NLGN1: variants seen among roughly 807,000 people sequenced by gnomAD.
NLGN1 encodes the protein neuroligin 1.
A neutral mutation model predicts 65.5 loss-of-function variants in NLGN1; 12 were observed. The ratio of observed to expected loss-of-function variants is 0.18; its 90% confidence interval spans 0.12 to 0.30. The LOEUF (loss-of-function observed/expected upper bound fraction) is 0.30, where lower values mean the gene tolerates loss of function less well. NLGN1 is among the 10% of genes least tolerant of loss of function. The probability of loss-of-function intolerance (pLI) is 1.00; values close to 1 mark genes in which losing one functional copy is unlikely to be tolerated. For synonymous variants in NLGN1, 350 were observed against 359.5 expected (o/e 0.97, Z 0.30); for missense variants, 750 against 1,007.1 (o/e 0.74, Z 3.46).
intron 3 of NLGN1, among the ~76,000 whole-genome samples, chr3:173,609,818 A>C (rs572123614): frequency 1.3e-5 from 2 of 152,120 alleles, no homozygotes; most frequent in Admixed American, 1.3e-4. Context: ...AGAAATTGAA[A>C]CAGAGTATGA....
At chr3:174,284,095 T>C (rs1751854338) in exon 7 of NLGN1, 1 of 151,332 alleles carries the variant, frequency 6.6e-6, no homozygotes, top group African/African-American at 2.4e-5. Flanking sequence ...TTTATATTAA[T>C]TTAGGAAAAT....
At chr3:173,735,734 T>C (rs1560264636) in intron 3 of NLGN1, among the ~76,000 whole-genome samples, 1 of 152,140 alleles carries the variant, frequency 6.6e-6, no homozygotes, top group Non-Finnish European at 1.5e-5. Flanking sequence ...GCCTAGGGTC[T>C]TGAAATAACA....
In NLGN1 at chr3:174,116,340, T is replaced by C. The variant is rs1278980001; in HGVS notation, c.647-158975T>C. Among the ~76,000 whole-genome samples, 743 of 136,964 alleles carry C rather than the reference T, an allele frequency of 5.4e-3. 17 individuals are homozygous for C. The highest frequency in any genetic ancestry group is 0.02 in the African/African-American group (720 of 36,568). 89.9% of individuals were successfully genotyped at this position (136,964 alleles called of 152,430 possible). On this transcript the variant is annotated intron_variant, in intron 4 of 6. Coordinates refer to ENST00000457714, the Ensembl canonical transcript of NLGN1. ...TTTTTTCTGGGTTTTCTTTTTTTTT[T>C]TTTTTTTTTTTTTTTTTGAGACAGT...
At chr3:173,779,381 AAT>A (rs1780793134) in intron 3 of NLGN1, among the ~76,000 whole-genome samples, 1 of 152,044 alleles carries the variant, frequency 6.6e-6, no homozygotes. Flanking sequence ...GATAACTGTG[AAT>A]ATATGAGTGG....
intron 4 of NLGN1, among the ~76,000 whole-genome samples, chr3:173,881,089 CTTTTTTTTTTT>C (rs928288845): frequency 5.4e-4 from 58 of 108,230 alleles, no homozygotes; most frequent in Admixed American, 5.3e-3. Flanking sequence ...AGGCTCCCTC[CTTTTTTTTTTT>C]TTTTTTTTTT....
At position 173,789,861 on chromosome 3, in the gene NLGN1, C is replaced by G. The variant is rs755219286; in HGVS notation, c.494-17819C>G. ...ACATTTTCTATATTTTTCCCAACTG[C>G]CTCACCTCCATGCAGCTAATCTAGT... On this transcript the variant is annotated intron_variant, in intron 3 of 6. Transcript: ENST00000457714. 58 of 514,670 alleles carry G rather than the reference C, an allele frequency of 1.1e-4. No homozygotes were observed. In the Middle Eastern group the frequency reaches 5.1e-3, roughly 45 times the overall value. The allele number at this position is 514,670 out of a possible 1,614,324, so 31.9% of individuals were successfully genotyped here. A position where few individuals can be genotyped will look rare whatever the true frequency, so the allele number is the denominator to read the frequency against.
intron 4 of NLGN1, among the ~76,000 whole-genome samples, chr3:174,192,884 C>A (rs1022362049): frequency 2.0e-5 from 3 of 151,990 alleles, no homozygotes; most frequent in Non-Finnish European, 2.9e-5. Context: ...TTTGCATTTC[C>A]ATATATCTGG....
intron 4 of NLGN1, among the ~76,000 whole-genome samples, chr3:173,897,565 T>C (rs1345238858): frequency 6.6e-6 from 1 of 152,194 alleles, no homozygotes; most frequent in African/African-American, 2.4e-5. Context: ...TATCCCAATA[T>C]AAGCAATTTT....
intron 4 of NLGN1, among the ~76,000 whole-genome samples, chr3:174,010,577 T>C (rs1725335742): frequency 1.3e-5 from 2 of 152,194 alleles, no homozygotes; most frequent in Non-Finnish European, 2.9e-5. Flanking sequence ...GATTTGATTG[T>C]TAATATGTTC....
intron 4 of NLGN1, among the ~76,000 whole-genome samples, chr3:173,890,182 A>G (rs1465541200): frequency 6.6e-6 from 1 of 152,132 alleles, no homozygotes; most frequent in Admixed American, 6.6e-5. Context: ...TGCAGGAGGA[A>G]ATTCCCTTAT....
chr3:174,127,336 T>G, intron 4 of NLGN1, among the ~76,000 whole-genome samples: 1 of 152,154 alleles, frequency 6.6e-6, no homozygotes, highest in Non-Finnish European at 1.5e-5. Flanking sequence ...TGTGGTTATT[T>G]TCTATTATTT....
chr3:173,540,466 G>A (rs753386926), intron 2 of NLGN1, among the ~76,000 whole-genome samples: 1 of 152,168 alleles, frequency 6.6e-6, no homozygotes, highest in Non-Finnish European at 1.5e-5. Context: ...GTGGTCATAG[G>A]AGGGGCCAGA....
chr3:173,804,672 A>C (rs1560406343), intron 3 of NLGN1, among the ~76,000 whole-genome samples: 1 of 150,454 alleles, frequency 6.6e-6, no homozygotes, highest in Non-Finnish European at 1.5e-5. Flanking sequence ...AAAAAAAAAA[A>C]CCCTATAAAC....
At position 173,613,256 on chromosome 3, in the gene NLGN1, A is replaced by G. The variant is rs542493923; in HGVS notation, c.493+8165A>G. Among the ~76,000 whole-genome samples the G allele has an allele frequency of 7.2e-5, 11 of 152,198 alleles. No homozygotes were observed. The South Asian group carries it at 1.9e-3, about 26-fold the overall frequency. On this transcript the variant is annotated intron_variant, in intron 3 of 6. Transcript: ENST00000457714. ...TGTCTATTTTAAATGTTGAAAAACT[A>G]TAGCTTATTGGGGTTAAATAAGTTG...
intron 4 of NLGN1, among the ~76,000 whole-genome samples, chr3:173,969,030 TTAC>T (rs1476615520): frequency 2.0e-5 from 3 of 151,424 alleles, no homozygotes; most frequent in Non-Finnish European, 2.9e-5. Context: ...TACCAGATTG[TTAC>T]TTGGATGAGA....
At chr3:173,441,945 C>A (rs1042904241) in intron 2 of NLGN1, among the ~76,000 whole-genome samples, 5 of 152,140 alleles carry the variant, frequency 3.3e-5, no homozygotes, top group Admixed American at 3.3e-4. Flanking sequence ...TCCTGGTTGC[C>A]TTCTGTATTA....
At chr3:173,407,292 C>A (rs976421308) in intron 1 of NLGN1, among the ~76,000 whole-genome samples, 1 of 152,166 alleles carries the variant, frequency 6.6e-6, no homozygotes, top group Non-Finnish European at 1.5e-5. Context: ...GTCTTTCCAG[C>A]TGAAAAGCTG....
intron 3 of NLGN1, among the ~76,000 whole-genome samples, chr3:173,665,124 A>T (rs1159922312): frequency 2.0e-5 from 3 of 152,158 alleles, no homozygotes; most frequent in African/African-American, 7.2e-5. Flanking sequence ...CCCCAACCAA[A>T]ATCTCATCTT....
chr3:173,748,131 G>A (rs1161952204), intron 3 of NLGN1, among the ~76,000 whole-genome samples: 2 of 151,966 alleles, frequency 1.3e-5, no homozygotes, highest in African/African-American at 4.8e-5. Flanking sequence ...GTAAAATCTA[G>A]TAAATATTAT....
Sources: allele counts gnomAD v4.1 joint callset (sites outside exome capture counted in the v4.1 genomes callset), GRCh38; gene constraint gnomAD v4.1.1; transcripts MANE v1.5; gene names NCBI Gene and HGNC (gene_info 2026-07-23, HGNC 2026-07-21).